Variants in KCNC2 observed in about 807,000 individuals in gnomAD.
KCNC2 encodes voltage-gated potassium channel KCNC2.
KCNC2 carries 21 observed loss-of-function variants against 44.5 expected under a neutral mutation model. The observed-to-expected ratio is 0.47, with a 90% CI of 0.33 to 0.68. The LOEUF (loss-of-function observed/expected upper bound fraction) is 0.68, where lower values mean the gene tolerates loss of function less well. KCNC2 is among the 30% of genes least tolerant of loss of function. The probability of loss-of-function intolerance (pLI) is 0.01; values close to 1 mark genes in which losing one functional copy is unlikely to be tolerated. For missense variants in KCNC2, 589 were observed against 826.2 expected (o/e 0.71, Z 3.52); for synonymous variants, 391 against 339.1 (o/e 1.15, Z -1.68).
chr12:75,134,281 T>C (rs1889070395), intron 2 of KCNC2, among the ~76,000 whole-genome samples: 1 of 151,962 alleles, frequency 6.6e-6, no homozygotes, highest in South Asian at 2.1e-4. Context: ...ATTAAGTGAA[T>C]AGTTGTTGAA....
chr12:75,168,037 A>C (rs1891572824), intron 2 of KCNC2, among the ~76,000 whole-genome samples: 1 of 151,398 alleles, frequency 6.6e-6, no homozygotes, highest in African/African-American at 2.4e-5. Context: ...TCAATATCCA[A>C]GTAATTTGGA....
chr12:75,196,652 C>T (rs1442149964), intron 2 of KCNC2, among the ~76,000 whole-genome samples: 2 of 151,994 alleles, frequency 1.3e-5, no homozygotes, highest in African/African-American at 4.8e-5. Context: ...GAAAAGACAG[C>T]AAGCAAGTTG....
chr12:75,117,524 T>G (rs889508207), intron 2 of KCNC2, among the ~76,000 whole-genome samples: 12 of 152,164 alleles, frequency 7.9e-5, no homozygotes, highest in Non-Finnish European at 1.5e-4. Context: ...GTCACTTCGC[T>G]ACAGTTTTCA....
At chr12:75,121,943 A>G (rs564257373) in intron 2 of KCNC2, among the ~76,000 whole-genome samples, 2 of 672 alleles carry the variant, frequency 3.0e-3, no homozygotes, top group East Asian at 0.053. Flanking sequence ...AGCTTCTTGA[A>G]CACTGACTCA....
intron 2 of KCNC2, among the ~76,000 whole-genome samples, chr12:75,086,699 T>TATATATATATATATATACAC (rs1339170718): frequency 7.2e-6 from 1 of 138,876 alleles, no homozygotes; most frequent in African/African-American, 2.8e-5. Flanking sequence ...TATATATATA[T>TATATATATATATATATACAC]ACACACACAT....
chr12:75,069,533 G>A (rs7300862), intron 2 of KCNC2, among the ~76,000 whole-genome samples: 135,870 of 152,196 alleles, frequency 0.89, 60,687 homozygotes, highest in Admixed American at 0.92. Flanking sequence ...TTCACCATAC[G>A]ATATGGCTCT....
At position 75,207,836 on chromosome 12, in the gene KCNC2, C is replaced by A; in HGVS notation, c.148G>T (p.Ala50Ser). The A allele has an allele frequency of 6.2e-7, 1 of 1,610,078 alleles. No homozygotes were observed. The highest frequency in any genetic ancestry group is 8.5e-7 in the Non-Finnish European group (1 of 1,179,242). The change falls in exon 2 of 5, where the codon GCG becomes TCG. Residue 50 changes from alanine (A) to serine (S), a missense_variant. Ala to Ser is a moderately conservative substitution (Grantham distance 99). Coordinates refer to ENST00000549446, the MANE Select transcript of KCNC2 (RefSeq NM_139137.4). This position sits in a 1 kb window ranked among gnomAD's most constrained non-coding sequence, Gnocchi z 4.1. ...GGCGACGGCTGCAGCTTGTCGCCCG[C>A]CGTGGTCAAGCAGTCGCCTGGGGGC... The part of the protein sequence containing the change: ...SEPPGDCLTT[A>S]GDKLQPSPPP...
chr12:75,196,980 A>G (rs10879888), intron 2 of KCNC2, among the ~76,000 whole-genome samples: 46,694 of 151,808 alleles, frequency 0.31, 7,336 homozygotes, highest in Middle Eastern at 0.41. Flanking sequence ...CTGCAGTTGT[A>G]GCACAATACT....
chr12:75,159,806 T>C (rs896839639), intron 2 of KCNC2, among the ~76,000 whole-genome samples: 1 of 151,870 alleles, frequency 6.6e-6, no homozygotes, highest in African/African-American at 2.4e-5. Context: ...CTCAAGAGTC[T>C]GCATATTTTA....
At chr12:75,178,204 C>T (rs1338809236) in intron 2 of KCNC2, among the ~76,000 whole-genome samples, 1 of 151,970 alleles carries the variant, frequency 6.6e-6, no homozygotes, top group Non-Finnish European at 1.5e-5. Context: ...CATTGTCTGA[C>T]TCACAGTAAG....
At chr12:75,082,544 T>C (rs1227830497) in intron 2 of KCNC2, among the ~76,000 whole-genome samples, 2 of 147,574 alleles carry the variant, frequency 1.4e-5, no homozygotes, top group Non-Finnish European at 3.0e-5. Context: ...TTTTTTTGCC[T>C]ACAACATTTA....
At position 75,086,681 on chromosome 12, in the gene KCNC2, A is replaced by AATATATATATATATATATATAT. The variant is rs398044519; in HGVS notation, c.688-35365_688-35364insATATATATATATATATATATAT. Among the ~76,000 whole-genome samples the AATATATATATATATATATATAT allele has an allele frequency of 2.6e-3, 138 of 54,038 alleles. 1 individual carries two copies. Among genetic ancestry groups the AATATATATATATATATATATAT allele is most frequent in the Non-Finnish European group, 3.5e-3 (99 of 28,460 alleles). 35.5% of individuals were successfully genotyped at this position (54,038 alleles called of 152,430 possible). On this transcript the variant is annotated intron_variant, in intron 2 of 4. Transcript: ENST00000549446. ...TTGGCAAAAAAAAAAAAAAAAAAAA[A>AATATATATATATATATATATAT]ATATATATATATATATATACACACA...
chr12:75,183,538 C>T lies in KCNC2; in HGVS notation c.687+23759G>A, dbSNP rs185815164. ...CCAGAAAGTCCTGGGAATGACAATA[C>T]CCTGGAAATGAAAGCAAACTTTACA... On this transcript the variant is annotated intron_variant, in intron 2 of 4. Transcript: ENST00000549446. Among the ~76,000 whole-genome samples, 8 of 152,218 alleles carry T rather than the reference C, an allele frequency of 5.3e-5. No homozygotes were observed. In the East Asian group the frequency reaches 1.2e-3, roughly 22 times the overall value.
At chr12:75,093,674 C>T (rs1023883635) in intron 2 of KCNC2, among the ~76,000 whole-genome samples, 2 of 151,598 alleles carry the variant, frequency 1.3e-5, no homozygotes, top group African/African-American at 4.8e-5. Flanking sequence ...CTGATCTTAA[C>T]ATAATGTGAC....
chr12:75,080,190 A>T (rs1248910689), intron 2 of KCNC2, among the ~76,000 whole-genome samples: 1 of 152,126 alleles, frequency 6.6e-6, no homozygotes, highest in Non-Finnish European at 1.5e-5. Context: ...TAAGAATTTC[A>T]TTGGAAATAT....
At chr12:75,055,022 A>G (rs1212572819) in intron 2 of KCNC2, among the ~76,000 whole-genome samples, 1 of 152,200 alleles carries the variant, frequency 6.6e-6, no homozygotes, top group African/African-American at 2.4e-5. Flanking sequence ...GTTACATTGA[A>G]TAACATTCAG....
intron 2 of KCNC2, chr12:75,124,894 GGAGATC>G (rs1259282746): frequency 6.6e-6 from 1 of 152,186 alleles, no homozygotes; most frequent in African/African-American, 2.4e-5. Flanking sequence ...CACGAGGTCA[GGAGATC>G]GAGACCATCT....
intron 2 of KCNC2, among the ~76,000 whole-genome samples, chr12:75,104,646 T>G (rs984460779): frequency 6.6e-6 from 1 of 152,206 alleles, no homozygotes; most frequent in Non-Finnish European, 1.5e-5. Flanking sequence ...AATAAACTTT[T>G]ACCTAGAATT....
At chr12:75,166,099 C>T (rs1484944913) in intron 2 of KCNC2, among the ~76,000 whole-genome samples, 2 of 151,368 alleles carry the variant, frequency 1.3e-5, no homozygotes, top group East Asian at 1.9e-4. Flanking sequence ...AATCAAAAGA[C>T]AGCTGTAGAG....
Sources: allele counts gnomAD v4.1 joint callset (sites outside exome capture counted in the v4.1 genomes callset), GRCh38; gene constraint gnomAD v4.1.1; non-coding constraint Gnocchi (gnomAD v3.1); transcripts MANE v1.5; gene names NCBI Gene and HGNC (gene_info 2026-07-23, HGNC 2026-07-21).